The following ZNF736 variants were observed in gnomAD, a reference collection of about 807,000 sequenced individuals.
ZNF736 encodes the protein KRAB-containing zinc-finger repressor protein.
ZNF736 carries 6 observed loss-of-function variants against 11.7 expected under a neutral mutation model. The ratio of observed to expected loss-of-function variants is 0.51; its 90% CI spans 0.28 to 1.01. ZNF736 has a LOEUF of 1.01. Among genes scored for constraint, ZNF736 ranks in the 50% least tolerant of loss-of-function variants. The pLI, the probability that ZNF736 is intolerant of heterozygous loss-of-function variation, is 0.09. For synonymous variants in ZNF736, 139 were observed against 164.7 expected (o/e 0.84, Z 1.19); for missense variants, 444 against 496.0 (o/e 0.90, Z 1.00).
In ZNF736 at chr7:64,349,952, G is replaced by T. The variant is rs1228990849; in HGVS notation, c.*805G>T. The T allele has an allele frequency of 1.3e-5, 2 of 152,068 alleles. No homozygotes were observed. The highest frequency in any genetic ancestry group is 2.9e-5 in the Non-Finnish European group (2 of 68,036). 9.4% of individuals were successfully genotyped at this position (152,068 alleles called of 1,614,324 possible). ...TGTTTTCCTGATGAGCTTCTTTTTA[G>T]AGGTGACCTGGCCTTTCTCTCTAGC... On this transcript the variant is annotated 3_prime_UTR_variant, in exon 4 of 4. Transcript: ENST00000423484.
intron 3 of ZNF736, among the ~76,000 whole-genome samples, chr7:64,344,160 A>G (rs1166049934): frequency 1.3e-5 from 2 of 152,040 alleles, no homozygotes; most frequent in Admixed American, 6.6e-5. Context: ...AAATTAGCCA[A>G]GTGTGGTGGT....
intron 1 of ZNF736, among the ~76,000 whole-genome samples, chr7:64,331,710 GCTTTCAGAT>G (rs1160966781): frequency 6.6e-6 from 1 of 152,160 alleles, no homozygotes; most frequent in Admixed American, 6.5e-5. Flanking sequence ...AATCACGAGC[GCTTTCAGAT>G]ACATTCACGA....
At chr7:64,341,406 T>G (rs779739296) in intron 3 of ZNF736, among the ~76,000 whole-genome samples, 1 of 152,184 alleles carries the variant, frequency 6.6e-6, no homozygotes, top group Non-Finnish European at 1.5e-5. Flanking sequence ...AAAGAATGGC[T>G]GTAGCAATGA....
Position 64,336,882 on chromosome 7 carries a change from A to C in ZNF736, c.131-5A>C. ...AGAGTCATGTTTTTTTTTCTAATAAAACAGGTCTTGCTATCTTTAAGCCAG... is the reference window on the plus strand; with the variant it reads ...AGAGTCATGTTTTTTTTTCTAATAACACAGGTCTTGCTATCTTTAAGCCAG... On this transcript the variant is annotated splice_region_variant and splice_polypyrimidine_tract_variant and intron_variant, in intron 2 of 3. Transcript: ENST00000423484. 1 of 1,581,440 alleles carries C rather than the reference A, an allele frequency of 6.3e-7. No individual in the cohort carries two copies. Among genetic ancestry groups the C allele is most frequent in the Non-Finnish European group, 8.6e-7 (1 of 1,162,944 alleles).
intron 3 of ZNF736, among the ~76,000 whole-genome samples, chr7:64,345,002 A>G (rs2115958665): frequency 7.1e-6 from 1 of 140,722 alleles, no homozygotes; most frequent in African/African-American, 2.5e-5. Flanking sequence ...TGGAAAAGTA[A>G]AATTTATTTT....
chr7:64,339,470 A>C (rs1789306328), intron 3 of ZNF736, among the ~76,000 whole-genome samples: 1 of 152,178 alleles, frequency 6.6e-6, no homozygotes, highest in Admixed American at 6.5e-5. Context: ...ATATTGTAAG[A>C]AAAGTGGTCT....
rs1220637935 is a variant in ZNF736, at chr7:64,319,489, C to CTTTTT, written c.3+5356_3+5360dup. Among the ~76,000 whole-genome samples the CTTTTT allele has an allele frequency of 7.2e-5, 4 of 55,728 alleles. 1 individual carries two copies. Among genetic ancestry groups the CTTTTT allele is most frequent in the Admixed American group, 2.2e-4 (1 of 4,486 alleles). The allele number at this position is 55,728 out of a possible 152,430, so 36.6% of individuals were successfully genotyped here. On this transcript the variant is annotated intron_variant, in intron 1 of 3. Coordinates refer to ENST00000423484, the MANE Select transcript of ZNF736 (RefSeq NM_001170905.3). ...CAGGTAAATAGAAAACATTTCTTCC[C>CTTTTT]TTTTTTTTTTTTTTTTTTTTTTTTG...
At chr7:64,323,009 T>A (rs917367465) in intron 1 of ZNF736, among the ~76,000 whole-genome samples, 4 of 152,210 alleles carry the variant, frequency 2.6e-5, no homozygotes, top group African/African-American at 7.2e-5. Flanking sequence ...TTAACCACAC[T>A]GTTTATGGAT....
intron 1 of ZNF736, among the ~76,000 whole-genome samples, chr7:64,328,043 C>T (rs1302275820): frequency 6.6e-6 from 1 of 152,098 alleles, no homozygotes; most frequent in East Asian, 1.9e-4. Context: ...TTTTAGTCTT[C>T]TCAAAATATG....
At chr7:64,337,688 C>T (rs1473343715) in intron 3 of ZNF736, among the ~76,000 whole-genome samples, 2 of 150,728 alleles carry the variant, frequency 1.3e-5, no homozygotes, top group Admixed American at 6.6e-5. Flanking sequence ...ATTAAATATA[C>T]TATGTCATTG....
intron 3 of ZNF736, among the ~76,000 whole-genome samples, chr7:64,343,189 A>T (rs1189491152): frequency 6.6e-6 from 1 of 152,178 alleles, no homozygotes; most frequent in Non-Finnish European, 1.5e-5. Context: ...TGGATTGGAT[A>T]AAGAATATGT....
intron 1 of ZNF736, among the ~76,000 whole-genome samples, chr7:64,329,082 T>C (rs1482514301): frequency 6.6e-6 from 1 of 152,138 alleles, no homozygotes; most frequent in Non-Finnish European, 1.5e-5. Flanking sequence ...TCTTTTGAAT[T>C]TTCAGCACCA....
At chr7:64,319,492 T>C (rs1788972870) in intron 1 of ZNF736, among the ~76,000 whole-genome samples, 1 of 54,640 alleles carries the variant, frequency 1.8e-5, no homozygotes, top group Non-Finnish European at 3.5e-5. Context: ...TTCTTCCCTT[T>C]TTTTTTTTTT....
rs11770095 is a variant in ZNF736 at position 64,352,740 on chromosome 7, C to G, written c.*3593C>G. 6.6e-6 allele frequency: 1 copy of G among 152,064 alleles called. No individual in the cohort carries two copies. The highest frequency in any genetic ancestry group is 1.5e-5 in the Non-Finnish European group (1 of 68,050). 9.4% of individuals were successfully genotyped at this position (152,064 alleles called of 1,614,324 possible). On this transcript the variant is annotated 3_prime_UTR_variant, in exon 4 of 4. Coordinates refer to ENST00000423484, the MANE Select transcript of ZNF736 (RefSeq NM_001170905.3). Reference sequence around the variant, plus strand: ...CCTGTACTGTGCTAGGAGATCCTTTCCGCCCCCCGGTCAGCTTGGGCTCTT... The same window carrying G: ...CCTGTACTGTGCTAGGAGATCCTTTGCGCCCCCCGGTCAGCTTGGGCTCTT...
intron 1 of ZNF736, among the ~76,000 whole-genome samples, chr7:64,314,567 C>T (rs953624044): frequency 1.3e-5 from 2 of 152,010 alleles, no homozygotes; most frequent in African/African-American, 2.4e-5. Flanking sequence ...AAAATCATGG[C>T]CCTTTTTTAA....
intron 3 of ZNF736, among the ~76,000 whole-genome samples, chr7:64,340,812 T>G (rs775472510): frequency 5.9e-5 from 9 of 152,208 alleles, no homozygotes; most frequent in Non-Finnish European, 1.0e-4. Flanking sequence ...TGTCTTATTT[T>G]TAAAGTAAAT....
chr7:64,353,196 G>A lies in ZNF736; in HGVS notation c.*4049G>A, dbSNP rs1789513264. ...TGCAGAGATCTGTGGGAGAATCATG[G>A]GTTTCTAGGGTCACACATGCACTCA... On this transcript the variant is annotated 3_prime_UTR_variant, in exon 4 of 4. Coordinates refer to ENST00000423484, the MANE Select transcript of ZNF736 (RefSeq NM_001170905.3). 1 of 152,178 alleles carries A rather than the reference G, an allele frequency of 6.6e-6. No individual in the cohort carries two copies. 9.4% of individuals were successfully genotyped at this position (152,178 alleles called of 1,614,324 possible).
Position 64,348,833 on chromosome 7 carries a change from T to C in ZNF736, c.970T>C (p.Trp324Arg). ...TAATGAATGTGGAAAAGCTTTTAAG[T>C]GGTTCTCGGCCCTTAGTAAACATAA... ...TCNECGKAFK[W>R]FSALSKHKRI... Residue 324 changes from tryptophan (W) to arginine (R), a missense_variant, in exon 4 of 4, where the codon TGG becomes CGG. Physicochemically the swap from Trp to Arg is moderately radical, Grantham distance 101. Transcript: ENST00000423484. The C allele has an allele frequency of 6.3e-7, 1 of 1,592,822 alleles. No individual in the cohort carries two copies. The highest frequency in any genetic ancestry group is 8.6e-7 in the Non-Finnish European group (1 of 1,169,528).
chr7:64,347,968 CTATAAGAA>C (rs1336919101), intron 3 of ZNF736, 114 bp from the exon 4 acceptor site: 10 of 932,332 alleles, frequency 1.1e-5, no homozygotes, highest in Non-Finnish European at 1.4e-5. Context: ...GTTTATATGT[CTATAAGAA>C]TATAGAGCCT....
Sources: allele counts gnomAD v4.1 joint callset (sites outside exome capture counted in the v4.1 genomes callset), GRCh38; gene constraint gnomAD v4.1.1; transcripts MANE v1.5; gene names NCBI Gene and HGNC (gene_info 2026-07-23, HGNC 2026-07-21).